Variants in SLC24A2 observed in about 807,000 individuals in gnomAD.
The protein encoded by SLC24A2 is sodium/potassium/calcium exchanger 2.
A neutral mutation model predicts 62.0 loss-of-function variants in SLC24A2; 36 were observed. That is an observed-to-expected ratio of 0.58 (90% CI 0.44 to 0.77). SLC24A2 has a LOEUF of 0.77. Ranked by LOEUF, SLC24A2 falls within the 30% of genes least tolerant of loss-of-function variation. The pLI is 0.00. For synonymous variants in SLC24A2, 358 were observed against 294.0 expected (o/e 1.22, Z -2.23); for missense variants, 846 against 817.9 (o/e 1.03, Z -0.42).
chr9:19,528,123 A>G lies in SLC24A2; in HGVS notation c.1495T>C (p.Phe499Leu). The change falls in exon 9 of 11, where the codon TTT (phenylalanine) becomes CTT (leucine). Residue 499 changes from phenylalanine (F) to leucine (L), a missense_variant. Coordinates refer to ENST00000341998, the MANE Select transcript of SLC24A2 (RefSeq NM_020344.4). ...ATGGAGCCAAAGAACGTGATGGGAA[A>G]AAACTTCCTCGATGACTGAAAGACA... ...DVRKPSSRKF[F>L]PITFFGSITW... The G allele has an allele frequency of 6.3e-7, 1 of 1,589,580 alleles. No individual in the cohort carries two copies. The highest frequency in any genetic ancestry group is 8.6e-7 in the Non-Finnish European group (1 of 1,166,288).
the SLC24A2 span, among the ~76,000 whole-genome samples, chr9:20,103,380 A>C: frequency 6.6e-6 from 1 of 152,352 alleles, no homozygotes; most frequent in East Asian, 1.9e-4. Flanking sequence ...ATCTGAGAAC[A>C]GGCAGACTGC....
chr9:20,000,825 GAA>G, the SLC24A2 span, among the ~76,000 whole-genome samples: 1 of 152,194 alleles, frequency 6.6e-6, no homozygotes, highest in African/African-American at 2.4e-5. Context: ...TATACACAGA[GAA>G]AACTTTCATG....
At chr9:19,649,001 CA>C (rs66653116) in intron 2 of SLC24A2, among the ~76,000 whole-genome samples, 7,855 of 108,922 alleles carry the variant, frequency 0.072, 170 homozygotes, top group African/African-American at 0.16. Context: ...GATTAAAAAC[CA>C]AAAAAAAAAA....
the SLC24A2 span, among the ~76,000 whole-genome samples, chr9:20,041,216 G>T: frequency 6.6e-6 from 1 of 152,184 alleles, no homozygotes; most frequent in Admixed American, 6.5e-5. Context: ...GAGATAGGGA[G>T]GTATTTCTTC....
the SLC24A2 span, among the ~76,000 whole-genome samples, chr9:20,056,522 A>G: frequency 3.9e-5 from 6 of 152,188 alleles, no homozygotes; most frequent in Admixed American, 2.6e-4. Flanking sequence ...TCTTGAGTAC[A>G]CAGCTTTTCT....
At chr9:20,178,547 T>C in the SLC24A2 span, among the ~76,000 whole-genome samples, 2 of 152,132 alleles carry the variant, frequency 1.3e-5, no homozygotes, top group African/African-American at 4.8e-5. Context: ...GTTTCCTTTT[T>C]CCACCTTCCC....
chr9:19,649,498 T>C (rs1217830572), intron 2 of SLC24A2, among the ~76,000 whole-genome samples: 1 of 152,164 alleles, frequency 6.6e-6, no homozygotes, highest in East Asian at 1.9e-4. Context: ...TTGGTGAGAA[T>C]ACTATGTTTA....
chr9:19,521,039 T>C lies in SLC24A2; in HGVS notation c.1591A>G (p.Ser531Gly). 6.2e-7 allele frequency: 1 copy of C among 1,614,114 alleles called. No individual in the cohort carries two copies. Among genetic ancestry groups the C allele is most frequent in the African/African-American group, 1.3e-5 (1 of 75,062 alleles). The change falls in exon 10 of 11, where the codon AGT (serine) becomes GGT (glycine). Residue 531 changes from serine to glycine, a missense_variant. By Grantham distance (56) the Ser-to-Gly change is moderately conservative. Coordinates refer to ENST00000341998, the MANE Select transcript of SLC24A2 (RefSeq NM_020344.4). ...ATGGTCAGGCCCATAATCTCTTCAC[T>C]GATGCCAATTGTCTCTCCAACCTAA... ...AHQVGETIGISEEIMGLTILA... is the reference protein window; with the variant it reads ...AHQVGETIGIGEEIMGLTILA...
intron 2 of SLC24A2, among the ~76,000 whole-genome samples, chr9:19,780,443 T>A (rs919518817): frequency 6.6e-6 from 1 of 151,520 alleles, no homozygotes; most frequent in Non-Finnish European, 1.5e-5. Flanking sequence ...AATTTTTGTA[T>A]CTTTAGTAGA....
At chr9:20,048,873 A>G in the SLC24A2 span, among the ~76,000 whole-genome samples, 1,499 of 150,670 alleles carry the variant, frequency 9.9e-3, 29 homozygotes, top group African/African-American at 0.035. Flanking sequence ...TTTAACTATT[A>G]GTATTTTTTT....
intron 2 of SLC24A2, among the ~76,000 whole-genome samples, chr9:19,666,410 A>G (rs1001088161): frequency 3.3e-5 from 5 of 152,188 alleles, no homozygotes; most frequent in African/African-American, 1.2e-4. Flanking sequence ...TGTTTTAAAA[A>G]AATCATTATT....
chr9:19,828,584 C>T, the SLC24A2 span, among the ~76,000 whole-genome samples: 141 of 152,262 alleles, frequency 9.3e-4, no homozygotes, highest in African/African-American at 3.2e-3. Flanking sequence ...GGGTTCATAT[C>T]TAGGTTCACA....
intron 7 of SLC24A2, 42 bp from the exon 8 acceptor site, chr9:19,550,310 A>T (rs4977555): frequency 0.82 from 1,316,689 of 1,606,514 alleles, 542,187 homozygotes; most frequent in East Asian, 1. Context: ...ACAAAAAAAT[A>T]AAATGTACAC....
At chr9:20,260,705 G>T in the SLC24A2 span, among the ~76,000 whole-genome samples, 4 of 152,108 alleles carry the variant, frequency 2.6e-5, no homozygotes, top group African/African-American at 9.6e-5. Flanking sequence ...TTGGCTACAT[G>T]AATAAGTTCT....
chr9:19,854,318 G>A, the SLC24A2 span, among the ~76,000 whole-genome samples: 4 of 151,868 alleles, frequency 2.6e-5, no homozygotes, highest in Admixed American at 6.6e-5. Flanking sequence ...TCTTCTCTGA[G>A]CTTAGTTATT....
the SLC24A2 span, among the ~76,000 whole-genome samples, chr9:20,059,091 A>G: frequency 2.4e-4 from 36 of 152,212 alleles, no homozygotes; most frequent in Admixed American, 2.0e-3. Flanking sequence ...TCCACTTCCT[A>G]ATCCCTGGAA....
At chr9:19,758,876 T>C (rs760663475) in intron 2 of SLC24A2, among the ~76,000 whole-genome samples, 1 of 152,216 alleles carries the variant, frequency 6.6e-6, no homozygotes, top group Admixed American at 6.5e-5. Flanking sequence ...CATTCTCTTG[T>C]TCTACTAAGG....
the SLC24A2 span, among the ~76,000 whole-genome samples, chr9:19,843,150 A>T: frequency 6.6e-6 from 1 of 152,166 alleles, no homozygotes; most frequent in Non-Finnish European, 1.5e-5. Context: ...AAAAGCTAAT[A>T]TGTTCTAGTT....
rs181257515 is a variant in SLC24A2 at position 19,764,520 on chromosome 9, T to C, written c.930+21417A>G. Among the ~76,000 whole-genome samples, 977 of 152,360 alleles carry C rather than the reference T, an allele frequency of 6.4e-3. 4 individuals carry two copies. Among genetic ancestry groups the C allele is most frequent in the Admixed American group, 0.018 (276 of 15,304 alleles). On this transcript the variant is annotated intron_variant, in intron 2 of 10. Transcript: ENST00000341998. ...CATTGTGTCTTTGTTCTCATTGGTTTCAAAGAACTTATTTATTTCTGTCTT... is the reference window on the plus strand; with the variant it reads ...CATTGTGTCTTTGTTCTCATTGGTTCCAAAGAACTTATTTATTTCTGTCTT...
Sources: allele counts gnomAD v4.1 joint callset (sites outside exome capture counted in the v4.1 genomes callset), GRCh38; gene constraint gnomAD v4.1.1; transcripts MANE v1.5; gene names NCBI Gene and HGNC (gene_info 2026-07-23, HGNC 2026-07-21).